KCNH8: variants seen among roughly 807,000 people sequenced by gnomAD.
KCNH8 encodes voltage-gated delayed rectifier potassium channel KCNH8.
In KCNH8, 70 loss-of-function variants were observed where a neutral mutation model predicts 103.6. The ratio of observed to expected loss-of-function variants is 0.68; its 90% CI spans 0.56 to 0.82. The LOEUF (loss-of-function observed/expected upper bound fraction) is 0.82, where lower values mean the gene tolerates loss of function less well. KCNH8 is among the 40% of genes least tolerant of loss of function. The probability of loss-of-function intolerance (pLI) is 0.00; values close to 1 mark genes in which losing one functional copy is unlikely to be tolerated. For synonymous variants in KCNH8, 498 were observed against 489.4 expected (o/e 1.02, Z -0.23); for missense variants, 1,217 against 1,329.9 (o/e 0.92, Z 1.32).
At chr3:19,215,259 C>T (rs796907922) in intron 1 of KCNH8, among the ~76,000 whole-genome samples, 2 of 152,216 alleles carry the variant, frequency 1.3e-5, no homozygotes, top group East Asian at 1.9e-4. Flanking sequence ...TATCTTGACA[C>T]TTGAATGCCT....
chr3:19,248,134 A>G (rs1289503107), intron 1 of KCNH8, among the ~76,000 whole-genome samples: 1 of 152,220 alleles, frequency 6.6e-6, no homozygotes, highest in African/African-American at 2.4e-5. Context: ...TGAATTTTTA[A>G]GTTAAACCTA....
At chr3:19,484,465 C>T (rs995333973) in intron 11 of KCNH8, among the ~76,000 whole-genome samples, 2 of 152,190 alleles carry the variant, frequency 1.3e-5, no homozygotes, top group African/African-American at 4.8e-5. Context: ...TGATTCTCCT[C>T]ATGCTTCAGC....
At chr3:19,483,309 T>C (rs954513484) in intron 11 of KCNH8, among the ~76,000 whole-genome samples, 2 of 152,170 alleles carry the variant, frequency 1.3e-5, no homozygotes, top group African/African-American at 4.8e-5. Context: ...GATTCCTTTT[T>C]GTGTGATTTG....
chr3:19,149,117 G>T (rs184338849), intron 1 of KCNH8, among the ~76,000 whole-genome samples: 2 of 152,198 alleles, frequency 1.3e-5, no homozygotes, highest in Non-Finnish European at 2.9e-5. Context: ...AATTTTCTGA[G>T]GTGAAAAGGG....
chr3:19,332,822 G>A (rs531040619), intron 3 of KCNH8, among the ~76,000 whole-genome samples: 120 of 152,012 alleles, frequency 7.9e-4, no homozygotes, highest in African/African-American at 2.3e-3. Flanking sequence ...CAGTAGAGAC[G>A]GGGTTTCATC....
intron 3 of KCNH8, among the ~76,000 whole-genome samples, chr3:19,302,202 T>C (rs1215561070): frequency 1.3e-5 from 2 of 152,156 alleles, no homozygotes; most frequent in African/African-American, 4.8e-5. Context: ...AGATTCCATT[T>C]TTCAGGAGTC....
chr3:19,376,065 C>T (rs1005004653), intron 5 of KCNH8, among the ~76,000 whole-genome samples: 3 of 152,156 alleles, frequency 2.0e-5, no homozygotes, highest in Admixed American at 6.5e-5. Flanking sequence ...TGTCTGTGCC[C>T]TGCCCCCAGA....
intron 3 of KCNH8, among the ~76,000 whole-genome samples, chr3:19,295,331 C>T (rs1010061956): frequency 6.6e-6 from 1 of 151,858 alleles, no homozygotes; most frequent in Non-Finnish European, 1.5e-5. Flanking sequence ...CTGCAGTGAG[C>T]TGATAGCATG....
At chr3:19,422,075 A>G (rs2066959250) in intron 7 of KCNH8, among the ~76,000 whole-genome samples, 2 of 152,092 alleles carry the variant, frequency 1.3e-5, no homozygotes, top group African/African-American at 4.8e-5. Context: ...TGGAGGTCAA[A>G]TGGCATTGCA....
chr3:19,502,417 A>T (rs1204321032), intron 11 of KCNH8, among the ~76,000 whole-genome samples: 1 of 151,538 alleles, frequency 6.6e-6, no homozygotes, highest in East Asian at 1.9e-4. Context: ...AATTGGAAAA[A>T]ACTACTTTAA....
intron 11 of KCNH8, among the ~76,000 whole-genome samples, chr3:19,508,743 C>T (rs529012046): frequency 2.6e-5 from 4 of 152,160 alleles, no homozygotes; most frequent in African/African-American, 9.7e-5. Context: ...CCTCCCATGT[C>T]AGAATCTGCA....
At chr3:19,251,798 A>G (rs1192857178) in intron 1 of KCNH8, among the ~76,000 whole-genome samples, 2 of 152,194 alleles carry the variant, frequency 1.3e-5, no homozygotes, top group Admixed American at 6.5e-5. Flanking sequence ...CTCTGCCTAT[A>G]GTTGCTCTCT....
chr3:19,233,032 A>C, intron 1 of KCNH8, among the ~76,000 whole-genome samples: 1 of 151,012 alleles, frequency 6.6e-6, no homozygotes, highest in Non-Finnish European at 1.5e-5. Context: ...CTTGTCTCTT[A>C]TCCCTACACC....
intron 1 of KCNH8, among the ~76,000 whole-genome samples, chr3:19,232,757 G>A (rs1206998529): frequency 2.6e-5 from 4 of 152,184 alleles, no homozygotes; most frequent in African/African-American, 9.7e-5. Flanking sequence ...GAGAGGTATG[G>A]TATGAAAGAT....
At chr3:19,396,113 T>TA (rs1413686326) in intron 7 of KCNH8, among the ~76,000 whole-genome samples, 7 of 152,092 alleles carry the variant, frequency 4.6e-5, no homozygotes, top group Admixed American at 4.6e-4. Context: ...AATTTTTTTT[T>TA]ATTAATCTGA....
chr3:19,475,293 T>TA (rs1197475980), intron 11 of KCNH8, among the ~76,000 whole-genome samples: 1 of 152,096 alleles, frequency 6.6e-6, no homozygotes, highest in Non-Finnish European at 1.5e-5. Flanking sequence ...AATCTATAAA[T>TA]AACTAAATTA....
chr3:19,395,460 C>T (rs1456746058), intron 7 of KCNH8, 149 bp downstream of exon 7: 1 of 568,416 alleles, frequency 1.8e-6, no homozygotes, highest in East Asian at 3.2e-5. Context: ...ATCCATGACA[C>T]AAGTAATTTA....
intron 11 of KCNH8, among the ~76,000 whole-genome samples, chr3:19,498,992 T>A (rs1052197654): frequency 6.6e-6 from 1 of 152,096 alleles, no homozygotes; most frequent in Non-Finnish European, 1.5e-5. Flanking sequence ...AAACCTCAGA[T>A]GGCTATGGGA....
intron 2 of KCNH8, among the ~76,000 whole-genome samples, chr3:19,259,337 A>G (rs953363525): frequency 6.6e-6 from 1 of 151,934 alleles, no homozygotes; most frequent in Non-Finnish European, 1.5e-5. Flanking sequence ...AAATGAAAAC[A>G]TTTGTTTTAA....
Sources: gnomAD v4.1 joint callset for allele counts (sites outside exome capture counted in the v4.1 genomes callset) on GRCh38, gnomAD v4.1.1 for gene constraint, MANE v1.5 for transcripts, NCBI Gene and HGNC (gene_info 2026-07-23, HGNC 2026-07-21) for gene names.